Variants in CTNNA3 observed in about 807,000 individuals in gnomAD.
The protein encoded by CTNNA3 is catenin alpha-3.
A neutral mutation model predicts 95.7 loss-of-function variants in CTNNA3; 76 were observed. The ratio of observed to expected loss-of-function variants is 0.79; its 90% CI spans 0.66 to 0.96. CTNNA3 has a LOEUF of 0.96. Among genes scored for constraint, CTNNA3 ranks in the 40% least tolerant of loss-of-function variants. The pLI, the probability that CTNNA3 is intolerant of heterozygous loss-of-function variation, is 0.00. For missense variants in CTNNA3, 1,191 were observed against 1,089.8 expected (o/e 1.09, Z -1.31); for synonymous variants, 431 against 374.4 (o/e 1.15, Z -1.74).
At chr10:67,625,870 G>A (rs1165765156) in intron 2 of CTNNA3, among the ~76,000 whole-genome samples, 2 of 152,004 alleles carry the variant, frequency 1.3e-5, no homozygotes, top group Non-Finnish European at 2.9e-5. Context: ...TAACTCAGGG[G>A]AAAAAGGAAA....
At chr10:67,240,163 A>G (rs1421627616) in intron 5 of CTNNA3, among the ~76,000 whole-genome samples, 1 of 152,198 alleles carries the variant, frequency 6.6e-6, no homozygotes, top group Non-Finnish European at 1.5e-5. Context: ...AAGGGAAGGA[A>G]AGGGAGCTTA....
rs545326887 is a variant in CTNNA3, at chr10:67,608,862, G to A, written c.100-1813C>T. ...TCCTAGCACTCTGGGAGGCCGAGGC[G>A]GGTGGATCACCTGAGGTCGGGAGTT... On this transcript the variant is annotated intron_variant, in intron 2 of 17. Transcript: ENST00000433211. Among the ~76,000 whole-genome samples the A allele has an allele frequency of 2.3e-3, 348 of 152,026 alleles. 2 individuals carry two copies. Among genetic ancestry groups the A allele is most frequent in the Middle Eastern group, 0.01 (3 of 294 alleles).
chr10:66,205,127 T>TG (rs1452323281), intron 13 of CTNNA3, among the ~76,000 whole-genome samples: 2 of 152,090 alleles, frequency 1.3e-5, no homozygotes, highest in Admixed American at 6.6e-5. Flanking sequence ...TAATTAAGCT[T>TG]GATTTTTTTT....
intron 5 of CTNNA3, among the ~76,000 whole-genome samples, chr10:67,354,457 A>T (rs1047704003): frequency 1.3e-5 from 2 of 152,054 alleles, no homozygotes; most frequent in Non-Finnish European, 2.9e-5. Flanking sequence ...AACTTGAATT[A>T]TTCATTTACA....
At chr10:67,062,186 C>T (rs530950662) in intron 7 of CTNNA3, among the ~76,000 whole-genome samples, 11 of 115,738 alleles carry the variant, frequency 9.5e-5, no homozygotes, top group Non-Finnish European at 1.5e-4. Context: ...TAGATAAGAA[C>T]GTTAAAACCC....
At chr10:67,538,566 C>T (rs143013180) in intron 4 of CTNNA3, among the ~76,000 whole-genome samples, 5 of 145,302 alleles carry the variant, frequency 3.4e-5, no homozygotes, top group Non-Finnish European at 6.0e-5. Flanking sequence ...GGCGACAGTG[C>T]GAGACTCCAT....
chr10:66,121,960 A>G (rs1222367920), intron 13 of CTNNA3, among the ~76,000 whole-genome samples: 3 of 152,230 alleles, frequency 2.0e-5, no homozygotes, highest in Admixed American at 1.3e-4. Context: ...AAATTAAAAC[A>G]TATTGCTATG....
intron 17 of CTNNA3, among the ~76,000 whole-genome samples, chr10:65,922,886 T>C (rs1262084042): frequency 6.6e-6 from 1 of 152,096 alleles, no homozygotes; most frequent in Non-Finnish European, 1.5e-5. Flanking sequence ...AAACTTACAA[T>C]CATGGCAGAA....
At chr10:67,736,377 G>A (rs1431584522) in intron 1 of CTNNA3, among the ~76,000 whole-genome samples, 1 of 151,262 alleles carries the variant, frequency 6.6e-6, no homozygotes, top group Non-Finnish European at 1.5e-5. Flanking sequence ...CATTGTAAAT[G>A]TATTTAATGT....
chr10:66,980,602 C>G (rs1406583251), intron 7 of CTNNA3, among the ~76,000 whole-genome samples: 1 of 152,126 alleles, frequency 6.6e-6, no homozygotes, highest in South Asian at 2.1e-4. Context: ...TGAGTAGCAA[C>G]GTGGCAGATG....
chr10:67,694,533 A>G (rs1253210326), intron 1 of CTNNA3, among the ~76,000 whole-genome samples: 2 of 152,176 alleles, frequency 1.3e-5, no homozygotes, highest in Non-Finnish European at 2.9e-5. Context: ...ACATATACAC[A>G]TAAGTAAATA....
intron 7 of CTNNA3, among the ~76,000 whole-genome samples, chr10:66,777,799 G>GCACACACACACA (rs111611061): frequency 1.4e-5 from 2 of 138,082 alleles, no homozygotes; most frequent in African/African-American, 2.9e-5. Context: ...ACACACACAT[G>GCACACACACACA]CACACACACA....
intron 11 of CTNNA3, among the ~76,000 whole-genome samples, chr10:66,423,783 C>T (rs2093216589): frequency 6.6e-6 from 1 of 152,206 alleles, no homozygotes; most frequent in African/African-American, 2.4e-5. Context: ...TCACTGAAAT[C>T]GGCCAGAAGC....
chr10:67,063,902 T>C (rs996078456), intron 7 of CTNNA3, among the ~76,000 whole-genome samples: 1 of 152,176 alleles, frequency 6.6e-6, no homozygotes, highest in African/African-American at 2.4e-5. Flanking sequence ...AGAAGGAAAC[T>C]GATTTGATAT....
chr10:66,853,762 T>C lies in CTNNA3; in HGVS notation c.1048-78238A>G, dbSNP rs1169302026. On this transcript the variant is annotated intron_variant, in intron 7 of 17. Transcript: ENST00000433211. ...CACCAAGGACATCCCAAGCAATCAT[T>C]TTATTTTTCTCTCTGCTTTGCTATT... 3.3e-5 allele frequency among the ~76,000 whole-genome samples: 5 copies of C among 152,210 alleles called. No individual in the cohort carries two copies. The East Asian group carries it at 9.6e-4, about 29-fold the overall frequency.
At position 67,639,808 on chromosome 10, in the gene CTNNA3, C is replaced by G. The variant is rs1363439395; in HGVS notation, c.99+7607G>C. Among the ~76,000 whole-genome samples, 9 of 152,052 alleles carry G rather than the reference C, an allele frequency of 5.9e-5. No individual in the cohort carries two copies. The South Asian group carries it at 1.2e-3, about 21-fold the overall frequency. On this transcript the variant is annotated intron_variant, in intron 2 of 17. Coordinates refer to ENST00000433211, the MANE Select transcript of CTNNA3 (RefSeq NM_013266.4). ...AAGGCCTTTCACAAAATTCAACAGC[C>G]CTTCATGCTAAAAACTCTCAATAAA...
intron 5 of CTNNA3, among the ~76,000 whole-genome samples, chr10:67,408,210 T>A (rs985585976): frequency 1.3e-5 from 2 of 152,176 alleles, no homozygotes; most frequent in Non-Finnish European, 2.9e-5. Context: ...AAGCTACCAT[T>A]AACATTCTTT....
chr10:66,889,338 TACA>T (rs1206704562), intron 7 of CTNNA3, among the ~76,000 whole-genome samples: 2 of 152,138 alleles, frequency 1.3e-5, no homozygotes, highest in Admixed American at 1.3e-4. Flanking sequence ...CCACAGAGTG[TACA>T]ACACCAGGAG....
intron 7 of CTNNA3, among the ~76,000 whole-genome samples, chr10:66,968,517 T>G (rs1367361463): frequency 6.6e-6 from 1 of 151,882 alleles, no homozygotes; most frequent in Non-Finnish European, 1.5e-5. Context: ...AGAAAGTTCA[T>G]ATCTAAAAAA....
Sources: allele counts gnomAD v4.1 joint callset (sites outside exome capture counted in the v4.1 genomes callset), GRCh38; gene constraint gnomAD v4.1.1; transcripts MANE v1.5; gene names NCBI Gene and HGNC (gene_info 2026-07-23, HGNC 2026-07-21).